The following INSC variants were observed in gnomAD, a reference collection of about 807,000 sequenced individuals.
INSC encodes the protein protein inscuteable homolog.
Under a neutral mutation model 58.6 loss-of-function variants are expected in INSC, and 67 were observed. The observed-to-expected ratio is 1.14, with a 90% confidence interval of 0.94 to 1.40. INSC has a LOEUF of 1.40. Ranked by LOEUF, INSC falls within the 40% of genes most tolerant of loss-of-function variation. INSC has a pLI of 0.00. For synonymous variants in INSC, 262 were observed against 276.1 expected, an observed-to-expected ratio of 0.95 and a Z score of 0.51; for missense variants, 714 against 692.0, an observed-to-expected ratio of 1.03 and a Z score of -0.36.
chr11:15,189,817 G>A (rs984650106), intron 5 of INSC, among the ~76,000 whole-genome samples: 3 of 152,138 alleles, frequency 2.0e-5, no homozygotes, highest in African/African-American at 7.2e-5. Flanking sequence ...GCATTAATTA[G>A]CAGGAAGGAA....
At chr11:15,219,096 CA>C (rs749099937) in intron 7 of INSC, among the ~76,000 whole-genome samples, 5 of 152,050 alleles carry the variant, frequency 3.3e-5, no homozygotes, top group Non-Finnish European at 7.4e-5. Flanking sequence ...GAATTGCTGG[CA>C]CATGAAAGTC....
At chr11:15,263,509 T>G in the INSC span, among the ~76,000 whole-genome samples, 1 of 152,118 alleles carries the variant, frequency 6.6e-6, no homozygotes. Flanking sequence ...TTAAAAGAAA[T>G]GATAGTTGGA....
intron 2 of INSC, among the ~76,000 whole-genome samples, chr11:15,173,654 A>G (rs1280487627): frequency 1.3e-5 from 2 of 152,166 alleles, no homozygotes; most frequent in Non-Finnish European, 2.9e-5. Flanking sequence ...ATGTATATGT[A>G]TATGTTCAAA....
At chr11:15,199,753 T>G (rs1014026780) in intron 6 of INSC, among the ~76,000 whole-genome samples, 14 of 152,182 alleles carry the variant, frequency 9.2e-5, no homozygotes, top group Admixed American at 7.2e-4. Flanking sequence ...TCAGATCAGT[T>G]GCTCATGCAT....
chr11:15,213,496 A>T (rs1194796973), intron 7 of INSC, among the ~76,000 whole-genome samples: 7 of 152,228 alleles, frequency 4.6e-5, no homozygotes, highest in African/African-American at 1.7e-4. Context: ...TCTTATCAGC[A>T]CATGCCTAGT....
At chr11:15,166,202 G>A in intron 2 of INSC, among the ~76,000 whole-genome samples, 1 of 152,134 alleles carries the variant, frequency 6.6e-6, no homozygotes, top group East Asian at 1.9e-4. Flanking sequence ...AAGGGCTTGA[G>A]AATATATACC....
At chr11:15,231,659 C>T (rs186512140) in intron 9 of INSC, among the ~76,000 whole-genome samples, 2 of 152,362 alleles carry the variant, frequency 1.3e-5, no homozygotes, top group African/African-American at 4.8e-5. Context: ...TAATTACAGT[C>T]ATACAAGCTG....
chr11:15,204,870 C>A (rs1268483025), intron 7 of INSC, among the ~76,000 whole-genome samples: 1 of 152,214 alleles, frequency 6.6e-6, no homozygotes, highest in Non-Finnish European at 1.5e-5. Context: ...CTTCCCCCTC[C>A]TTTCCTTCAA....
the INSC span, among the ~76,000 whole-genome samples, chr11:15,267,798 A>G: frequency 1.3e-5 from 2 of 151,990 alleles, no homozygotes; most frequent in African/African-American, 4.8e-5. Flanking sequence ...TTGCAAGGCT[A>G]ATTATTGATT....
intron 4 of INSC, among the ~76,000 whole-genome samples, chr11:15,177,625 A>G (rs984836198): frequency 6.6e-6 from 1 of 152,182 alleles, no homozygotes; most frequent in Admixed American, 6.5e-5. Context: ...CCTTTCCTCC[A>G]TATTTCACAC....
rs145538302 is a variant in INSC, at chr11:15,201,638, C to T, written c.819+689C>T. 4.8e-3 allele frequency among the ~76,000 whole-genome samples: 733 copies of T among 152,284 alleles called. 1 individual carries two copies. The highest frequency in any genetic ancestry group is 0.014 in the Middle Eastern group (4 of 292). ...TTAGACATGAGTGAGTCTGAGCTTG[C>T]GGATAGGCTCTCAGGGACTCCAGCC... On this transcript the variant is annotated intron_variant, in intron 7 of 12. Transcript: ENST00000379556.
chr11:15,267,794 G>A, the INSC span, among the ~76,000 whole-genome samples: 5 of 151,902 alleles, frequency 3.3e-5, no homozygotes, highest in Admixed American at 6.6e-5. Context: ...TTCTTTGCAA[G>A]GCTAATTATT....
chr11:15,153,792 T>A (rs1848724356), intron 2 of INSC, among the ~76,000 whole-genome samples: 1 of 152,184 alleles, frequency 6.6e-6, no homozygotes, highest in African/African-American at 2.4e-5. Flanking sequence ...ATCTATGCCA[T>A]CCCTTCATTA....
intron 5 of INSC, among the ~76,000 whole-genome samples, chr11:15,181,142 G>C (rs1282912887): frequency 2.0e-5 from 3 of 152,170 alleles, no homozygotes; most frequent in Non-Finnish European, 4.4e-5. Flanking sequence ...AGGTCCTCAA[G>C]CACTTATAGT....
intron 11 of INSC, 119 bp from the exon 12 acceptor site, chr11:15,240,328 C>G: frequency 1.3e-6 from 1 of 799,682 alleles, no homozygotes; most frequent in Non-Finnish European, 2.1e-6. Context: ...ACAGACTCCC[C>G]GAGGTGGGTT....
chr11:15,146,751 G>A (rs2133740441), intron 1 of INSC, among the ~76,000 whole-genome samples: 1 of 152,352 alleles, frequency 6.6e-6, no homozygotes, highest in African/African-American at 2.4e-5. Context: ...ATCCAGAATA[G>A]GCTATTGAAT....
chr11:15,112,832 T>C (rs1181297681), upstream of INSC, among the ~76,000 whole-genome samples: 1 of 152,138 alleles, frequency 6.6e-6, no homozygotes, highest in Non-Finnish European at 1.5e-5. Context: ...TAATAAAATA[T>C]CTTAGTTTTC....
At chr11:15,134,508 T>C (rs773414490) in intron 1 of INSC, among the ~76,000 whole-genome samples, 9 of 152,198 alleles carry the variant, frequency 5.9e-5, no homozygotes, top group Non-Finnish European at 1.5e-5. Flanking sequence ...TCCACCATGA[T>C]CCCATTAATT....
chr11:15,187,131 C>A (rs1849999053), intron 5 of INSC, among the ~76,000 whole-genome samples: 1 of 152,134 alleles, frequency 6.6e-6, no homozygotes, highest in Non-Finnish European at 1.5e-5. Flanking sequence ...GCATCACATT[C>A]TCACAGTTAT....
Sources: allele counts gnomAD v4.1 joint callset (sites outside exome capture counted in the v4.1 genomes callset), GRCh38; gene constraint gnomAD v4.1.1; transcripts MANE v1.5; gene names NCBI Gene and HGNC (gene_info 2026-07-23, HGNC 2026-07-21).